The following RIMS2 variants were observed in gnomAD, a reference collection of about 807,000 sequenced individuals.
The protein encoded by RIMS2 is regulating synaptic membrane exocytosis protein 2.
A neutral mutation model predicts 174.4 loss-of-function variants in RIMS2; 59 were observed. That is an observed-to-expected ratio of 0.34 (90% CI 0.27 to 0.42). The LOEUF (loss-of-function observed/expected upper bound fraction) is 0.42. RIMS2 is among the 10% of genes least tolerant of loss of function. The pLI is 1.00. For synonymous variants in RIMS2, 606 were observed against 572.5 expected, an observed-to-expected ratio of 1.06 and a Z score of -0.84; for missense variants, 1,620 against 1,666.3, an observed-to-expected ratio of 0.97 and a Z score of 0.48.
At chr8:104,032,615 T>C (rs1040005582) in intron 19 of RIMS2, among the ~76,000 whole-genome samples, 1 of 152,072 alleles carries the variant, frequency 6.6e-6, no homozygotes, top group Non-Finnish European at 1.5e-5. Flanking sequence ...CCAGTACTAC[T>C]TTTAATTAGT....
chr8:103,775,819 T>C (rs1301020362), intron 3 of RIMS2, among the ~76,000 whole-genome samples: 1 of 152,180 alleles, frequency 6.6e-6, no homozygotes, highest in Non-Finnish European at 1.5e-5. Flanking sequence ...TTTTACTGCA[T>C]AGAAGTCAGT....
chr8:103,795,800 T>A (rs1422007026), intron 3 of RIMS2, among the ~76,000 whole-genome samples: 1 of 152,188 alleles, frequency 6.6e-6, no homozygotes, highest in Non-Finnish European at 1.5e-5. Flanking sequence ...AATATGATAT[T>A]TATTCCCAAA....
chr8:103,946,379 C>G (rs2083773471), intron 14 of RIMS2, among the ~76,000 whole-genome samples: 1 of 152,086 alleles, frequency 6.6e-6, no homozygotes, highest in African/African-American at 2.4e-5. Context: ...GTAATCACAG[C>G]TACTCAGGAA....
intron 1 of RIMS2, among the ~76,000 whole-genome samples, chr8:103,554,167 A>C (rs1849359611): frequency 6.6e-6 from 1 of 152,178 alleles, no homozygotes; most frequent in Non-Finnish European, 1.5e-5. Context: ...AGACGTCAAA[A>C]GGAATTGCAA....
intron 19 of RIMS2, among the ~76,000 whole-genome samples, chr8:104,136,506 C>T (rs1281958936): frequency 6.6e-6 from 1 of 152,120 alleles, no homozygotes; most frequent in Non-Finnish European, 1.5e-5. Context: ...TAATATTTGA[C>T]ATTTTGTAGA....
chr8:104,161,333 A>G (rs1328679754), intron 19 of RIMS2, among the ~76,000 whole-genome samples: 2 of 152,178 alleles, frequency 1.3e-5, no homozygotes, highest in East Asian at 3.9e-4. Flanking sequence ...CATGGGAAAT[A>G]TTAGACTCAG....
At chr8:103,924,926 A>G (rs560081516) in intron 10 of RIMS2, among the ~76,000 whole-genome samples, 17 of 151,682 alleles carry the variant, frequency 1.1e-4, no homozygotes, top group Non-Finnish European at 2.2e-4. Flanking sequence ...GAAAATCAGC[A>G]TGAGTTCGGG....
At chr8:104,020,455 A>G (rs993009721) in intron 19 of RIMS2, among the ~76,000 whole-genome samples, 2 of 152,040 alleles carry the variant, frequency 1.3e-5, no homozygotes, top group African/African-American at 4.8e-5. Context: ...AATTTAAGTT[A>G]TCCAGTATTT....
At chr8:103,791,327 T>C (rs922730916) in intron 3 of RIMS2, among the ~76,000 whole-genome samples, 2 of 152,122 alleles carry the variant, frequency 1.3e-5, no homozygotes, top group East Asian at 1.9e-4. Flanking sequence ...AACTAAGCTT[T>C]TTAAGTGAAT....
intron 19 of RIMS2, among the ~76,000 whole-genome samples, chr8:104,089,750 C>T (rs1156975277): frequency 6.6e-6 from 1 of 151,690 alleles, no homozygotes; most frequent in Non-Finnish European, 1.5e-5. Context: ...ATAAACTGTT[C>T]CATTCAGTGT....
chr8:103,892,574 T>C (rs886075594), intron 4 of RIMS2, among the ~76,000 whole-genome samples: 6 of 152,100 alleles, frequency 3.9e-5, no homozygotes, highest in African/African-American at 1.4e-4. Context: ...TTCTCTTATG[T>C]ATTCACTCCA....
chr8:103,881,823 A>G (rs1321523029), intron 3 of RIMS2, among the ~76,000 whole-genome samples: 1 of 151,520 alleles, frequency 6.6e-6, no homozygotes, highest in Non-Finnish European at 1.5e-5. Flanking sequence ...AGAGAAAGCA[A>G]TTCTAACAAC....
intron 3 of RIMS2, among the ~76,000 whole-genome samples, chr8:103,795,507 C>T (rs947191746): frequency 1.3e-5 from 2 of 151,940 alleles, no homozygotes; most frequent in Admixed American, 1.3e-4. Context: ...TGCAGCACAC[C>T]AACATGGCAC....
chr8:103,975,812 A>G (rs1344743021), intron 16 of RIMS2: 2 of 211,354 alleles, frequency 9.5e-6, no homozygotes, highest in Non-Finnish European at 1.9e-5. Flanking sequence ...CAAGTTCCAG[A>G]GTCCAAAGGC....
At chr8:103,537,110 A>G (rs1003702698) in intron 1 of RIMS2, among the ~76,000 whole-genome samples, 1 of 152,220 alleles carries the variant, frequency 6.6e-6, no homozygotes, top group Non-Finnish European at 1.5e-5. Context: ...TTTCTCACCC[A>G]TAAAATCATA....
At chr8:103,828,500 T>C (rs114229005) in intron 3 of RIMS2, among the ~76,000 whole-genome samples, 1,770 of 152,284 alleles carry the variant, frequency 0.012, 33 homozygotes, top group African/African-American at 0.039. Context: ...GTCAAATACA[T>C]AGTTTATAAA....
At chr8:104,097,358 T>C (rs913348225) in intron 19 of RIMS2, among the ~76,000 whole-genome samples, 7 of 152,164 alleles carry the variant, frequency 4.6e-5, no homozygotes, top group African/African-American at 1.7e-4. Flanking sequence ...CTGCATTGAA[T>C]GATCAGAAGC....
chr8:104,223,993 G>A (rs2099169708), intron 19 of RIMS2, among the ~76,000 whole-genome samples: 1 of 152,240 alleles, frequency 6.6e-6, no homozygotes, highest in Non-Finnish European at 1.5e-5. Context: ...AGCTCCACAG[G>A]CGCCGACTTG....
intron 3 of RIMS2, among the ~76,000 whole-genome samples, chr8:103,867,691 AAGAT>A (rs1224002958): frequency 1.3e-5 from 2 of 152,006 alleles, no homozygotes; most frequent in East Asian, 3.8e-4. Flanking sequence ...AACCTCGACA[AAGAT>A]AGCATGTACT....
Sources: gnomAD v4.1 joint callset for allele counts (sites outside exome capture counted in the v4.1 genomes callset) on GRCh38, gnomAD v4.1.1 for gene constraint, MANE v1.5 for transcripts, NCBI Gene and HGNC (gene_info 2026-07-23, HGNC 2026-07-21) for gene names.